LSAMP: variants seen among roughly 807,000 people sequenced by gnomAD.
LSAMP encodes the protein limbic system-associated membrane protein.
In LSAMP, 7 loss-of-function variants were observed where a neutral mutation model predicts 38.6. The observed-to-expected ratio is 0.18, with a 90% CI of 0.10 to 0.34. The LOEUF is 0.34. Ranked by LOEUF, LSAMP falls within the 10% of genes least tolerant of loss-of-function variation. The probability of loss-of-function intolerance (pLI) is 1.00; values close to 1 mark genes in which losing one functional copy is unlikely to be tolerated. For missense variants in LSAMP, 313 were observed against 420.0 expected (o/e 0.75, Z 2.23); for synonymous variants, 154 against 166.8 (o/e 0.92, Z 0.59).
At chr3:116,358,640 C>A (rs556644805) in intron 1 of LSAMP, among the ~76,000 whole-genome samples, 1 of 152,186 alleles carries the variant, frequency 6.6e-6, no homozygotes, top group Admixed American at 6.5e-5. Flanking sequence ...GCTTTTTTCA[C>A]TTTAATATGA....
intron 3 of LSAMP, among the ~76,000 whole-genome samples, chr3:115,901,993 C>T (rs115917004): frequency 2.2e-3 from 341 of 151,700 alleles, no homozygotes; most frequent in African/African-American, 7.9e-3. Flanking sequence ...TAAGAAAAAA[C>T]CCTGTCCATT....
intron 1 of LSAMP, among the ~76,000 whole-genome samples, chr3:116,355,242 C>G (rs2048205824): frequency 6.6e-6 from 1 of 152,046 alleles, no homozygotes; most frequent in Non-Finnish European, 1.5e-5. Context: ...CAAGATAATT[C>G]TTTTCTTAAA....
intron 2 of LSAMP, among the ~76,000 whole-genome samples, chr3:116,060,514 A>G (rs1410776694): frequency 6.6e-6 from 1 of 152,218 alleles, no homozygotes; most frequent in Non-Finnish European, 1.5e-5. Flanking sequence ...TAATCCCAAC[A>G]CTTTGGGAGG....
chr3:116,385,502 C>T (rs2048614258), intron 1 of LSAMP, among the ~76,000 whole-genome samples: 1 of 152,142 alleles, frequency 6.6e-6, no homozygotes, highest in East Asian at 1.9e-4. Context: ...AGTTGAATCT[C>T]AAATCCAAAG....
chr3:116,387,535 AACTAACAAAAAAAC>A (rs2048640920), intron 1 of LSAMP, among the ~76,000 whole-genome samples: 1 of 152,114 alleles, frequency 6.6e-6, no homozygotes, highest in South Asian at 2.1e-4. Context: ...AACAAACAAA[AACTAACAAAAAAAC>A]TTAGTCCAAA....
intron 3 of LSAMP, among the ~76,000 whole-genome samples, chr3:115,962,843 C>T (rs538935025): frequency 2.6e-5 from 4 of 152,242 alleles, no homozygotes; most frequent in African/African-American, 9.6e-5. Flanking sequence ...AAATGATAGG[C>T]CTCAGAGGGC....
chr3:116,200,261 C>A (rs1042070520), intron 1 of LSAMP, among the ~76,000 whole-genome samples: 2 of 152,070 alleles, frequency 1.3e-5, no homozygotes, highest in Non-Finnish European at 2.9e-5. Flanking sequence ...GAAGCTTCAA[C>A]CACACTACAG....
intron 3 of LSAMP, among the ~76,000 whole-genome samples, chr3:115,932,034 C>G (rs1458963334): frequency 6.6e-6 from 1 of 151,948 alleles, no homozygotes; most frequent in Non-Finnish European, 1.5e-5. Flanking sequence ...ATTGTTGAGA[C>G]AGACATTAAT....
chr3:115,840,648 A>C (rs1934967363), intron 6 of LSAMP, among the ~76,000 whole-genome samples: 1 of 152,206 alleles, frequency 6.6e-6, no homozygotes, highest in Admixed American at 6.5e-5. Context: ...TGTTTTTATA[A>C]ACGGAGTTGG....
chr3:115,818,790 T>TTACATACATATATATATATATATA (rs1934118325), intron 6 of LSAMP, among the ~76,000 whole-genome samples: 1 of 69,786 alleles, frequency 1.4e-5, no homozygotes, highest in African/African-American at 4.4e-5. Flanking sequence ...AGTTGTACTT[T>TTACATACATATATATATATATATA]TATATATATA....
chr3:115,855,321 G>A (rs1935472307), intron 3 of LSAMP, among the ~76,000 whole-genome samples: 1 of 152,164 alleles, frequency 6.6e-6, no homozygotes, highest in African/African-American at 2.4e-5. Context: ...TGGGGCCTGG[G>A]ATTCTTACAT....
chr3:116,218,367 A>G (rs924225773), intron 1 of LSAMP, among the ~76,000 whole-genome samples: 1 of 152,182 alleles, frequency 6.6e-6, no homozygotes, highest in African/African-American at 2.4e-5. Flanking sequence ...TCTGTTTTAG[A>G]AAGTACAGCA....
intron 1 of LSAMP, among the ~76,000 whole-genome samples, chr3:116,383,542 T>C (rs2048588664): frequency 6.6e-6 from 1 of 152,148 alleles, no homozygotes; most frequent in Non-Finnish European, 1.5e-5. Flanking sequence ...GACCAGGTCC[T>C]AGGGCTCTTA....
At chr3:116,289,984 C>A (rs763766261) in intron 1 of LSAMP, among the ~76,000 whole-genome samples, 25 of 152,312 alleles carry the variant, frequency 1.6e-4, no homozygotes, top group Non-Finnish European at 2.9e-4. Context: ...CCTCTATTTT[C>A]TCTTTTCATT....
intron 1 of LSAMP, among the ~76,000 whole-genome samples, chr3:116,381,099 G>A (rs2107801428): frequency 6.6e-6 from 1 of 152,030 alleles, no homozygotes; most frequent in Non-Finnish European, 1.5e-5. Flanking sequence ...CCCTCTTTTT[G>A]TTTGTTACTC....
intron 1 of LSAMP, among the ~76,000 whole-genome samples, chr3:116,202,508 G>T (rs558035969): frequency 1.3e-5 from 2 of 151,696 alleles, no homozygotes; most frequent in Non-Finnish European, 2.9e-5. Context: ...GCAGTGGTGC[G>T]ATCATAGCTC....
intron 1 of LSAMP, among the ~76,000 whole-genome samples, chr3:116,406,388 A>G (rs2048897858): frequency 6.6e-6 from 1 of 152,076 alleles, no homozygotes; most frequent in Admixed American, 6.6e-5. Flanking sequence ...CTTTATCATC[A>G]AAGAGTTTAA....
At chr3:116,016,358 G>A (rs1252733462) in intron 3 of LSAMP, among the ~76,000 whole-genome samples, 1 of 152,192 alleles carries the variant, frequency 6.6e-6, no homozygotes, top group Non-Finnish European at 1.5e-5. Flanking sequence ...ATAGTAGTCT[G>A]CCCTCAAGTC....
intron 1 of LSAMP, among the ~76,000 whole-genome samples, chr3:116,391,990 C>A (rs748280525): frequency 1.2e-4 from 19 of 152,320 alleles, no homozygotes; most frequent in African/African-American, 4.3e-4. Context: ...CCCAAAGGCA[C>A]CCCATGGGCA....
Sources: allele counts gnomAD v4.1 joint callset (sites outside exome capture counted in the v4.1 genomes callset), GRCh38; gene constraint gnomAD v4.1.1; transcripts MANE v1.5; gene names NCBI Gene and HGNC (gene_info 2026-07-23, HGNC 2026-07-21).